KCND3: variants seen among roughly 807,000 people sequenced by gnomAD.
KCND3 encodes the protein potassium voltage-gated channel subfamily D member 3.
A neutral mutation model predicts 51.1 loss-of-function variants in KCND3; 9 were observed. That is an observed-to-expected ratio of 0.18 (90% CI 0.11 to 0.31). The LOEUF is 0.31. Among genes scored for constraint, KCND3 ranks in the 10% least tolerant of loss-of-function variants. The pLI, the probability that KCND3 is intolerant of heterozygous loss-of-function variation, is 1.00. For missense variants in KCND3, 526 were observed against 903.8 expected (o/e 0.58, Z 5.36); for synonymous variants, 349 against 368.0 (o/e 0.95, Z 0.59).
chr1:111,859,369 G>T (rs1571752923), intron 2 of KCND3, among the ~76,000 whole-genome samples: 1 of 152,214 alleles, frequency 6.6e-6, no homozygotes, highest in African/African-American at 2.4e-5. Context: ...GGAAGGGCTG[G>T]GACTGGCATC....
intron 2 of KCND3, among the ~76,000 whole-genome samples, chr1:111,935,438 C>T (rs974615611): frequency 1.3e-5 from 2 of 152,150 alleles, no homozygotes; most frequent in African/African-American, 4.8e-5. Flanking sequence ...GAGAGAGCTA[C>T]ATAAATAAAA....
intron 2 of KCND3, among the ~76,000 whole-genome samples, chr1:111,819,355 G>A (rs1237297506): frequency 6.6e-6 from 1 of 150,540 alleles, no homozygotes; most frequent in African/African-American, 2.4e-5. Context: ...AGCATCACTG[G>A]AATTCAGATT....
chr1:111,872,675 T>C (rs1237168708), intron 2 of KCND3, among the ~76,000 whole-genome samples: 1 of 152,078 alleles, frequency 6.6e-6, no homozygotes, highest in Non-Finnish European at 1.5e-5. Flanking sequence ...AAACAAGGAA[T>C]CTTAGTGCCA....
chr1:111,839,904 G>A (rs1169694938), intron 2 of KCND3, among the ~76,000 whole-genome samples: 2 of 152,334 alleles, frequency 1.3e-5, no homozygotes, highest in East Asian at 3.9e-4. Context: ...TTAAAAAATG[G>A]TTTATTCTGG....
intron 2 of KCND3, among the ~76,000 whole-genome samples, chr1:111,973,036 C>G (rs980297119): frequency 1.3e-4 from 20 of 152,228 alleles, no homozygotes; most frequent in African/African-American, 4.3e-4. Flanking sequence ...GAAAATAGCA[C>G]TGGAAAAATT....
At chr1:111,968,585 A>T (rs887325760) in intron 2 of KCND3, among the ~76,000 whole-genome samples, 2 of 152,152 alleles carry the variant, frequency 1.3e-5, no homozygotes, top group African/African-American at 4.8e-5. Context: ...CAGGGGTGAC[A>T]TCTCCAGGAG....
chr1:111,811,528 G>A (rs1243787163), intron 2 of KCND3, among the ~76,000 whole-genome samples: 1 of 152,102 alleles, frequency 6.6e-6, no homozygotes, highest in African/African-American at 2.4e-5. Context: ...CTGGCTAAGG[G>A]GTGGGCGATG....
chr1:111,932,455 C>CA (rs753865658), intron 2 of KCND3, among the ~76,000 whole-genome samples: 24 of 152,306 alleles, frequency 1.6e-4, no homozygotes, highest in Non-Finnish European at 3.2e-4. Flanking sequence ...GCAGTGCAGC[C>CA]ATCACCACTA....
At chr1:111,822,249 T>C (rs1265976869) in intron 2 of KCND3, among the ~76,000 whole-genome samples, 1 of 152,156 alleles carries the variant, frequency 6.6e-6, no homozygotes, top group Non-Finnish European at 1.5e-5. Context: ...AAAATGTATA[T>C]TTTATCTATG....
chr1:111,937,557 C>G (rs1571873911), intron 2 of KCND3, among the ~76,000 whole-genome samples: 2 of 152,324 alleles, frequency 1.3e-5, no homozygotes, highest in East Asian at 3.9e-4. Context: ...CTGCTCCACA[C>G]TGGGGCTCAT....
At chr1:111,920,393 T>C (rs993724593) in intron 2 of KCND3, among the ~76,000 whole-genome samples, 1 of 152,208 alleles carries the variant, frequency 6.6e-6, no homozygotes. Flanking sequence ...CAGATTCTGG[T>C]TTCCTAGATA....
chr1:111,896,953 G>A (rs903399485), intron 2 of KCND3, among the ~76,000 whole-genome samples: 2 of 152,210 alleles, frequency 1.3e-5, no homozygotes, highest in Non-Finnish European at 2.9e-5. Flanking sequence ...CATAGGAGGG[G>A]CTTAGTCACT....
intron 2 of KCND3, among the ~76,000 whole-genome samples, chr1:111,890,897 C>T (rs186493036): frequency 7.4e-4 from 113 of 152,236 alleles, no homozygotes; most frequent in Admixed American, 2.1e-3. Flanking sequence ...TGAGAAGTGA[C>T]CATGGGATTT....
rs1390894547 is a variant in KCND3 at position 111,780,314 on chromosome 1, C to T, written c.1372G>A (p.Gly458Ser). ...GLLNEALELT[G>S]TPEEEHMGKT... Reference sequence around the variant, plus strand: ...CCCATGTGCTCCTCTTCTGGGGTGCCCTAGTAAAAAAAGAAGAGAGATTGA... The same window carrying T: ...CCCATGTGCTCCTCTTCTGGGGTGCTCTAGTAAAAAAAGAAGAGAGATTGA... The change falls in exon 5 of 8, where the codon GGC (glycine) becomes AGC (serine). Residue 458 changes from glycine to serine, a missense_variant and splice_region_variant. By Grantham distance (56) the Gly-to-Ser change is moderately conservative. Around this residue, in one of 5 missense-constraint regions of KCND3, gnomAD observed 266 missense variants for 305.5 expected, o/e 0.87. Coordinates refer to ENST00000302127, the MANE Select transcript of KCND3 (RefSeq NM_001378969.1). This position sits in a 1 kb window ranked among gnomAD's most constrained non-coding sequence, Gnocchi z 4.2. The T allele has an allele frequency of 1.3e-6, 2 of 1,562,292 alleles. No homozygotes were observed. The highest frequency in any genetic ancestry group is 1.7e-6 in the Non-Finnish European group (2 of 1,152,092).
intron 2 of KCND3, among the ~76,000 whole-genome samples, chr1:111,847,834 G>A (rs982737806): frequency 6.6e-6 from 1 of 152,218 alleles, no homozygotes; most frequent in Admixed American, 6.5e-5. Flanking sequence ...CAGGATCCCA[G>A]GACAGCGAAG....
rs114128433 is a variant in KCND3, at chr1:111,854,266, T to C, written c.1107-67160A>G. 5.0e-3 allele frequency among the ~76,000 whole-genome samples: 764 copies of C among 152,350 alleles called. 2 individuals carry two copies. Among genetic ancestry groups the C allele is most frequent in the Non-Finnish European group, 7.2e-3 (493 of 68,036 alleles). On this transcript the variant is annotated intron_variant, in intron 2 of 7. Coordinates refer to ENST00000302127, the MANE Select transcript of KCND3 (RefSeq NM_001378969.1). ...AAAATATAGTATGTCCAGTTAAATA[T>C]GAACTTCAGATAATGTAATATTTGG...
At chr1:111,938,746 G>A (rs1672340555) in intron 2 of KCND3, among the ~76,000 whole-genome samples, 1 of 152,202 alleles carries the variant, frequency 6.6e-6, no homozygotes, top group South Asian at 2.1e-4. Context: ...AGGCCGCCAG[G>A]ACTGCACAGA....
intron 2 of KCND3, among the ~76,000 whole-genome samples, chr1:111,978,907 G>A (rs1674792093): frequency 6.6e-6 from 1 of 152,222 alleles, no homozygotes; most frequent in Non-Finnish European, 1.5e-5. Context: ...TGGTAATGGT[G>A]TCAACTGCCA....
intron 2 of KCND3, among the ~76,000 whole-genome samples, chr1:111,860,935 C>T (rs931144295): frequency 6.6e-6 from 1 of 152,160 alleles, no homozygotes; most frequent in Admixed American, 6.5e-5. Context: ...CACTTAGCTC[C>T]CAGCAAGGAA....
Sources: gnomAD v4.1 joint callset for allele counts (sites outside exome capture counted in the v4.1 genomes callset) on GRCh38, gnomAD v4.1.1 for gene constraint, gnomAD v4.1.1 regional missense constraint, Gnocchi (gnomAD v3.1) non-coding constraint, MANE v1.5 for transcripts, NCBI Gene and HGNC (gene_info 2026-07-23, HGNC 2026-07-21) for gene names.